The following SOBP variants were observed in gnomAD, a reference collection of about 807,000 sequenced individuals.
SOBP encodes sine oculis-binding protein homolog.
In SOBP, 4 loss-of-function variants were observed where a neutral mutation model predicts 53.6. The ratio of observed to expected loss-of-function variants is 0.07; its 90% CI spans 0.04 to 0.17. SOBP has a LOEUF of 0.17. SOBP is among the 10% of genes least tolerant of loss of function. The pLI is 1.00. For missense variants in SOBP, 1,088 were observed against 1,204.7 expected, an observed-to-expected ratio of 0.90 and a Z score of 1.43; for synonymous variants, 584 against 522.6, an observed-to-expected ratio of 1.12 and a Z score of -1.60.
intron 5 of SOBP, 82 bp downstream of exon 5, chr6:107,587,257 T>C: frequency 9.4e-7 from 1 of 1,061,588 alleles, no homozygotes; most frequent in Admixed American, 1.7e-5. Context: ...TGTTCATGAT[T>C]ACATAATTGA....
chr6:107,647,787 G>A (rs1351241481), intron 6 of SOBP, among the ~76,000 whole-genome samples: 1 of 151,984 alleles, frequency 6.6e-6, no homozygotes, highest in African/African-American at 2.4e-5. Flanking sequence ...CATGCCCTGT[G>A]CCAAGCACCA....
At chr6:107,608,230 G>A (rs1363955209) in intron 5 of SOBP, among the ~76,000 whole-genome samples, 5 of 152,182 alleles carry the variant, frequency 3.3e-5, no homozygotes, top group African/African-American at 1.2e-4. Context: ...AGGGCAAAAT[G>A]CTGCCAGTGA....
chr6:107,629,947 G>A (rs772860653), intron 5 of SOBP, among the ~76,000 whole-genome samples: 1 of 152,160 alleles, frequency 6.6e-6, no homozygotes, highest in Non-Finnish European at 1.5e-5. Flanking sequence ...TGTCTTCCTG[G>A]TGATACATTA....
intron 2 of SOBP, among the ~76,000 whole-genome samples, chr6:107,505,533 G>A (rs1198099658): frequency 6.6e-6 from 1 of 152,100 alleles, no homozygotes; most frequent in Non-Finnish European, 1.5e-5. Flanking sequence ...ATGTTGGCCA[G>A]GCTGGTTTCA....
intron 5 of SOBP, among the ~76,000 whole-genome samples, chr6:107,623,299 G>A (rs974964265): frequency 3.3e-5 from 5 of 152,192 alleles, no homozygotes; most frequent in African/African-American, 4.8e-5. Flanking sequence ...GAATGCCCAA[G>A]TTAATAAAAG....
At chr6:107,524,586 C>T (rs889690746) in intron 3 of SOBP, among the ~76,000 whole-genome samples, 9 of 152,198 alleles carry the variant, frequency 5.9e-5, no homozygotes, top group African/African-American at 1.9e-4. Context: ...AAGTAACAGA[C>T]ACCATGGGAC....
chr6:107,514,560 A>T (rs1486793367), intron 3 of SOBP: 2 of 152,230 alleles, frequency 1.3e-5, no homozygotes, highest in African/African-American at 2.4e-5. Context: ...ATCATTTTTA[A>T]TGCCAGATGA....
Position 107,635,328 on chromosome 6 carries a change from C to T in SOBP, c.2484C>T (p.Ile828=), listed in dbSNP as rs534738535. 2 of 1,613,624 alleles carry T rather than the reference C, an allele frequency of 1.2e-6. No homozygotes were observed. Among genetic ancestry groups the T allele is most frequent in the African/African-American group, 2.7e-5 (2 of 75,050 alleles). ...LRMLPKTGCV[I]QPVPKPAEKA... is the part of the protein sequence containing the mutation. ...TGCTGCCCAAGACCGGCTGCGTGATCCAGCCTGTGCCAAAACCCGCGGAGA... is the reference window on the plus strand; with the variant it reads ...TGCTGCCCAAGACCGGCTGCGTGATTCAGCCTGTGCCAAAACCCGCGGAGA... Residue 828 remains isoleucine (I), a synonymous_variant, in exon 6 of 7, where the codon ATC becomes ATT. Transcript: ENST00000317357. This position sits in a 1 kb window ranked among gnomAD's most constrained non-coding sequence, Gnocchi z 4.5.
intron 5 of SOBP, among the ~76,000 whole-genome samples, chr6:107,615,008 C>G (rs1411462579): frequency 6.6e-6 from 1 of 152,204 alleles, no homozygotes; most frequent in African/African-American, 2.4e-5. Flanking sequence ...CTCTGACCTA[C>G]TGGCGTCTCT....
chr6:107,501,664 T>C (rs1399436319), intron 1 of SOBP, among the ~76,000 whole-genome samples: 1 of 152,142 alleles, frequency 6.6e-6, no homozygotes, highest in Non-Finnish European at 1.5e-5. Flanking sequence ...AGAGGACCTC[T>C]ATTTGTGTGC....
intron 4 of SOBP, among the ~76,000 whole-genome samples, chr6:107,549,673 T>A (rs1191057961): frequency 6.6e-6 from 1 of 152,206 alleles, no homozygotes; most frequent in East Asian, 1.9e-4. Flanking sequence ...TCAGTTAATT[T>A]TTAATTTTTT....
chr6:107,561,510 A>G (rs1226268479), intron 4 of SOBP, among the ~76,000 whole-genome samples: 2 of 152,142 alleles, frequency 1.3e-5, no homozygotes, highest in Admixed American at 1.3e-4. Context: ...AGTTGAGGCA[A>G]CAAGTCTGTC....
chr6:107,615,533 A>G (rs1434612767), intron 5 of SOBP, among the ~76,000 whole-genome samples: 1 of 152,150 alleles, frequency 6.6e-6, no homozygotes. Context: ...GTAAATGTGA[A>G]AAGCTCAGTG....
chr6:107,499,064 C>T (rs1782769522), intron 1 of SOBP, among the ~76,000 whole-genome samples: 2 of 152,030 alleles, frequency 1.3e-5, no homozygotes, highest in African/African-American at 4.8e-5. Context: ...GTAGATATGC[C>T]CTGTTTAGAA....
At chr6:107,517,388 T>G (rs1375969735) in intron 3 of SOBP, among the ~76,000 whole-genome samples, 1 of 136,038 alleles carries the variant, frequency 7.4e-6, no homozygotes, top group Non-Finnish European at 1.6e-5. Flanking sequence ...GATCACTGCC[T>G]TTTTACTATG....
chr6:107,541,779 G>A (rs765356809), intron 4 of SOBP, among the ~76,000 whole-genome samples: 3 of 152,108 alleles, frequency 2.0e-5, no homozygotes, highest in African/African-American at 4.8e-5. Context: ...GAGAATCTTT[G>A]AAGGATGTGA....
chr6:107,571,645 T>C (rs1397223576), intron 4 of SOBP, among the ~76,000 whole-genome samples: 1 of 152,200 alleles, frequency 6.6e-6, no homozygotes, highest in East Asian at 1.9e-4. Context: ...GGAAGAGAGC[T>C]GTCTGTGAGC....
At chr6:107,508,552 C>T (rs1256063275) in intron 3 of SOBP, among the ~76,000 whole-genome samples, 4 of 151,892 alleles carry the variant, frequency 2.6e-5, no homozygotes, top group East Asian at 3.9e-4. Context: ...GCACTCCAGC[C>T]TGGGTGACAG....
intron 5 of SOBP, among the ~76,000 whole-genome samples, chr6:107,603,361 G>A (rs1786255339): frequency 6.6e-6 from 1 of 152,190 alleles, no homozygotes. Context: ...CTCCTGGCCT[G>A]TCAGGACAAA....
Sources: gnomAD v4.1 joint callset for allele counts (sites outside exome capture counted in the v4.1 genomes callset) on GRCh38, gnomAD v4.1.1 for gene constraint, Gnocchi (gnomAD v3.1) non-coding constraint, MANE v1.5 for transcripts, NCBI Gene and HGNC (gene_info 2026-07-23, HGNC 2026-07-21) for gene names.